Variants in MTHFD1L observed in about 807,000 individuals in gnomAD.
The protein encoded by MTHFD1L is monofunctional C1-tetrahydrofolate synthase, mitochondrial.
In MTHFD1L, 81 loss-of-function variants were observed where a neutral mutation model predicts 119.5. That is an observed-to-expected ratio of 0.68 (90% confidence interval 0.57 to 0.82). MTHFD1L has a LOEUF of 0.82. Ranked by LOEUF, MTHFD1L falls within the 40% of genes least tolerant of loss-of-function variation. The probability of loss-of-function intolerance (pLI) is 0.00; values close to 1 mark genes in which losing one functional copy is unlikely to be tolerated. For synonymous variants in MTHFD1L, 430 were observed against 475.2 expected, an observed-to-expected ratio of 0.90 and a Z score of 1.24; for missense variants, 1,125 against 1,253.4, an observed-to-expected ratio of 0.90 and a Z score of 1.55.
At chr6:150,870,424 TAGC>T (rs1779194515) in intron 1 of MTHFD1L, among the ~76,000 whole-genome samples, 1 of 152,170 alleles carries the variant, frequency 6.6e-6, no homozygotes, top group Non-Finnish European at 1.5e-5. Context: ...TGGGTGGTAG[TAGC>T]GTTGAACTCC....
intron 26 of MTHFD1L, among the ~76,000 whole-genome samples, chr6:151,072,810 A>C (rs1337435587): frequency 6.6e-6 from 1 of 151,680 alleles, no homozygotes; most frequent in Non-Finnish European, 1.5e-5. Context: ...TCTGTCTCAA[A>C]AAATAAAAAG....
chr6:151,055,440 A>C (rs887662308), intron 26 of MTHFD1L, among the ~76,000 whole-genome samples: 2 of 152,128 alleles, frequency 1.3e-5, no homozygotes, highest in Non-Finnish European at 2.9e-5. Context: ...AGCTTCAGGA[A>C]CTTGCCCTCC....
intron 3 of MTHFD1L, 37 bp from the exon 4 acceptor site, chr6:150,877,736 T>A: frequency 6.2e-7 from 1 of 1,614,200 alleles, no homozygotes; most frequent in Non-Finnish European, 8.5e-7. Context: ...CAATACATTC[T>A]CTTATAGTGA....
intron 26 of MTHFD1L, among the ~76,000 whole-genome samples, chr6:151,059,520 G>A (rs1282087116): frequency 6.6e-6 from 1 of 152,094 alleles, no homozygotes; most frequent in African/African-American, 2.4e-5. Flanking sequence ...ATTTGAAAAT[G>A]TTCTTTTTTG....
At chr6:150,994,975 G>A (rs944129976) in intron 20 of MTHFD1L, among the ~76,000 whole-genome samples, 1 of 152,098 alleles carries the variant, frequency 6.6e-6, no homozygotes, top group South Asian at 2.1e-4. Flanking sequence ...TCTTTTGCCA[G>A]TATAATAAAC....
intron 26 of MTHFD1L, among the ~76,000 whole-genome samples, chr6:151,068,864 A>T (rs941835175): frequency 4.6e-5 from 7 of 152,118 alleles, no homozygotes; most frequent in African/African-American, 1.7e-4. Context: ...TATCCCTAAA[A>T]ATAGTAGCAG....
At chr6:151,099,495 T>G (rs1562662020) in intron 27 of MTHFD1L, 5 of 1,318,760 alleles carry the variant, frequency 3.8e-6, no homozygotes, top group Non-Finnish European at 5.4e-6. Flanking sequence ...GCGCTGCCTA[T>G]GGAGGTGGCA....
At chr6:150,897,418 G>A (rs2128813238) in intron 7 of MTHFD1L, among the ~76,000 whole-genome samples, 1 of 152,300 alleles carries the variant, frequency 6.6e-6, no homozygotes, top group South Asian at 2.1e-4. Flanking sequence ...AGATATAATA[G>A]TATAAATGGT....
chr6:150,898,688 A>G (rs1023720026), intron 7 of MTHFD1L, among the ~76,000 whole-genome samples: 2 of 152,024 alleles, frequency 1.3e-5, no homozygotes, highest in Admixed American at 1.3e-4. Context: ...ATTTTGTACT[A>G]AAGGAACCAA....
chr6:151,101,182 TA>T (rs1387632914), intron 27 of MTHFD1L, among the ~76,000 whole-genome samples: 3 of 151,824 alleles, frequency 2.0e-5, no homozygotes, highest in Non-Finnish European at 2.9e-5. Flanking sequence ...AAAATTTTTT[TA>T]AATCCTAAAT....
intron 20 of MTHFD1L, among the ~76,000 whole-genome samples, chr6:150,986,805 A>C (rs1024520294): frequency 6.6e-6 from 1 of 152,134 alleles, no homozygotes; most frequent in South Asian, 2.1e-4. Flanking sequence ...CCCAGGTTCA[A>C]GTGATTCTCC....
chr6:150,916,327 A>G (rs1163149380), intron 8 of MTHFD1L, among the ~76,000 whole-genome samples: 2 of 99,486 alleles, frequency 2.0e-5, no homozygotes, highest in South Asian at 3.8e-4. Context: ...TTTCAGATAG[A>G]GTTTCACTCT....
chr6:150,956,605 A>G (rs938380131), intron 17 of MTHFD1L, among the ~76,000 whole-genome samples: 5 of 152,252 alleles, frequency 3.3e-5, no homozygotes, highest in Non-Finnish European at 5.9e-5. Flanking sequence ...ATGTGCGTCA[A>G]TGGCACTTAG....
At chr6:151,099,704 A>C (rs907882432) in intron 27 of MTHFD1L, 1 of 1,609,598 alleles carries the variant, frequency 6.2e-7, no homozygotes, top group Non-Finnish European at 8.5e-7. Flanking sequence ...AACACTGGTT[A>C]TGGGAGCAAC....
In MTHFD1L at chr6:151,015,582, A is replaced by T; in HGVS notation, c.2475A>T (p.Ala825=). The change falls in exon 24 of 28, where the codon GCA becomes GCT. Residue 825 remains alanine (A), a synonymous_variant. Transcript: ENST00000367321. ...ELAKRAGAFD[A]VPCYHWSVGG... ...CAAAGCGGGCTGGTGCCTTTGATGC[A>T]GTCCCCTGCTATCACTGGTCCGTTG... 2 of 1,614,172 alleles carry T rather than the reference A, an allele frequency of 1.2e-6. No homozygotes were observed. The highest frequency in any genetic ancestry group is 1.7e-6 in the Non-Finnish European group (2 of 1,180,036).
intron 11 of MTHFD1L, among the ~76,000 whole-genome samples, chr6:150,931,351 T>C (rs562696254): frequency 1.3e-5 from 2 of 151,486 alleles, no homozygotes; most frequent in Non-Finnish European, 2.9e-5. Flanking sequence ...TTTATTTCGG[T>C]ACAATGTTAA....
intron 7 of MTHFD1L, among the ~76,000 whole-genome samples, chr6:150,901,327 A>G (rs541123357): frequency 1.3e-5 from 2 of 152,254 alleles, no homozygotes; most frequent in East Asian, 1.9e-4. Context: ...AAAAAACAAA[A>G]TGAACTGAGC....
At chr6:150,988,274 A>C (rs1778579034) in intron 20 of MTHFD1L, among the ~76,000 whole-genome samples, 1 of 152,236 alleles carries the variant, frequency 6.6e-6, no homozygotes, top group African/African-American at 2.4e-5. Context: ...AATAACTTTA[A>C]AATTACGTTA....
intron 9 of MTHFD1L, among the ~76,000 whole-genome samples, chr6:150,920,454 C>T (rs1788702950): frequency 6.6e-6 from 1 of 152,170 alleles, no homozygotes; most frequent in Admixed American, 6.5e-5. Context: ...AATTGAAACT[C>T]TTTACCTCAA....
Sources: allele counts gnomAD v4.1 joint callset (sites outside exome capture counted in the v4.1 genomes callset), GRCh38; gene constraint gnomAD v4.1.1; transcripts MANE v1.5; gene names NCBI Gene and HGNC (gene_info 2026-07-23, HGNC 2026-07-21).